Variants in LNPK observed in about 807,000 individuals in gnomAD.
LNPK encodes lunapark, ER junction formation factor, also known as endoplasmic reticulum junction formation protein lunapark.
A neutral mutation model predicts 55.2 loss-of-function variants in LNPK; 29 were observed. The ratio of observed to expected loss-of-function variants is 0.53; its 90% CI spans 0.39 to 0.72. The LOEUF is 0.72. Ranked by LOEUF, LNPK falls within the 30% of genes least tolerant of loss-of-function variation. The probability of loss-of-function intolerance (pLI) is 0.00; values close to 1 mark genes in which losing one functional copy is unlikely to be tolerated. For missense variants in LNPK, 467 were observed against 494.8 expected (o/e 0.94, Z 0.53); for synonymous variants, 162 against 168.2 (o/e 0.96, Z 0.29).
At chr2:175,998,603 G>A (rs1688048004) in intron 1 of LNPK, among the ~76,000 whole-genome samples, 3 of 152,228 alleles carry the variant, frequency 2.0e-5, no homozygotes, top group Admixed American at 2.0e-4. Flanking sequence ...ATATTTATAT[G>A]TAAAATATAT....
chr2:175,973,150 G>A (rs1382766136), intron 5 of LNPK, among the ~76,000 whole-genome samples: 1 of 152,124 alleles, frequency 6.6e-6, no homozygotes. Context: ...TCTTAGGTTG[G>A]ATTAATTAAG....
chr2:175,999,372 A>C (rs1287469605), intron 1 of LNPK, among the ~76,000 whole-genome samples: 1 of 152,200 alleles, frequency 6.6e-6, no homozygotes, highest in Non-Finnish European at 1.5e-5. Flanking sequence ...TCTGCTACTC[A>C]ATTTCCTCAT....
chr2:175,997,703 C>T (rs901912867), intron 1 of LNPK, among the ~76,000 whole-genome samples: 6 of 45,818 alleles, frequency 1.3e-4, no homozygotes, highest in African/African-American at 3.4e-4. Flanking sequence ...AAAACAAATG[C>T]TCTGTGTGTG....
chr2:176,001,111 C>A (rs1688144007), intron 1 of LNPK, among the ~76,000 whole-genome samples: 1 of 152,068 alleles, frequency 6.6e-6, no homozygotes, highest in Non-Finnish European at 1.5e-5. Context: ...AACAGACAAC[C>A]TTAAAATTCT....
intron 2 of LNPK, among the ~76,000 whole-genome samples, chr2:175,994,803 AT>A (rs1687857641): frequency 6.6e-6 from 1 of 152,114 alleles, no homozygotes; most frequent in African/African-American, 2.4e-5. Flanking sequence ...TGCATTTCTA[AT>A]TTTGTTTAAC....
At chr2:175,995,672 T>C (rs990232280) in intron 1 of LNPK, 26 bp from the exon 2 acceptor site, 4 of 1,175,786 alleles carry the variant, frequency 3.4e-6, no homozygotes, top group Non-Finnish European at 5.1e-6. Context: ...GTATTTAAAA[T>C]GTTAAGTTAA....
At chr2:175,932,624 T>C (rs574238283) in intron 12 of LNPK, among the ~76,000 whole-genome samples, 1 of 152,344 alleles carries the variant, frequency 6.6e-6, no homozygotes, top group Non-Finnish European at 1.5e-5. Context: ...TAGGTATTGA[T>C]GTTTGGATGC....
intron 5 of LNPK, among the ~76,000 whole-genome samples, chr2:175,978,846 G>GA (rs1687031290): frequency 6.6e-6 from 1 of 152,128 alleles, no homozygotes; most frequent in Non-Finnish European, 1.5e-5. Context: ...CAGATAAGTA[G>GA]GAAGAGAAGG....
intron 9 of LNPK, chr2:175,940,927 G>A (rs1684805945): frequency 2.2e-6 from 1 of 451,442 alleles, no homozygotes. Flanking sequence ...AAAAACTGGT[G>A]AACTTTAAGA....
intron 9 of LNPK, among the ~76,000 whole-genome samples, chr2:175,944,339 TG>T (rs1685014122): frequency 6.6e-6 from 1 of 152,058 alleles, no homozygotes; most frequent in Non-Finnish European, 1.5e-5. Context: ...AAGATACTAA[TG>T]GTGAGTTGGG....
chr2:175,933,963 T>C (rs1185600930), intron 12 of LNPK, among the ~76,000 whole-genome samples: 1 of 152,032 alleles, frequency 6.6e-6, no homozygotes, highest in Non-Finnish European at 1.5e-5. Context: ...GAACTGACCT[T>C]GTGATCCGCC....
At chr2:175,962,336 G>A (rs532206597) in intron 8 of LNPK, among the ~76,000 whole-genome samples, 7 of 152,196 alleles carry the variant, frequency 4.6e-5, no homozygotes, top group African/African-American at 1.7e-4. Flanking sequence ...AAACAGCATG[G>A]TACTCGTACC....
In LNPK at chr2:175,928,872, A is replaced by G; in HGVS notation, c.*1095T>C. The G allele has an allele frequency of 6.4e-6, 1 of 156,536 alleles. No individual in the cohort carries two copies. Among genetic ancestry groups the G allele is most frequent in the Non-Finnish European group, 1.4e-5 (1 of 71,700 alleles). The allele number at this position is 156,536 out of a possible 1,614,324, so 9.7% of individuals were successfully genotyped here. Reference sequence around the variant, plus strand: ...TCACAAAATTTGTTTCTCAAAGTTAAAAATTACAAATGGCTGGCCTACGAT... The same window carrying G: ...TCACAAAATTTGTTTCTCAAAGTTAGAAATTACAAATGGCTGGCCTACGAT... On this transcript the variant is annotated 3_prime_UTR_variant, in exon 13 of 13. Transcript: ENST00000272748.
chr2:175,966,005 T>C (rs1398901277), intron 6 of LNPK, among the ~76,000 whole-genome samples: 1 of 152,234 alleles, frequency 6.6e-6, no homozygotes, highest in African/African-American at 2.4e-5. Flanking sequence ...CTAAGCCCTA[T>C]GTGATAAATG....
At chr2:175,979,289 T>C (rs191815362) in intron 5 of LNPK, among the ~76,000 whole-genome samples, 15 of 152,308 alleles carry the variant, frequency 9.8e-5, no homozygotes, top group Middle Eastern at 3.4e-3. Context: ...TCGGGCACCA[T>C]TGCTCACGCC....
At chr2:175,988,550 T>G (rs146207609) in intron 4 of LNPK, among the ~76,000 whole-genome samples, 146 of 151,610 alleles carry the variant, frequency 9.6e-4, no homozygotes, top group African/African-American at 3.1e-3. Flanking sequence ...AAGATGAATT[T>G]ATATACAGGT....
chr2:175,927,610 T>C lies in LNPK; in HGVS notation c.*2357A>G, dbSNP rs1684069332. The C allele has an allele frequency of 6.6e-6, 1 of 152,184 alleles. No homozygotes were observed. Among genetic ancestry groups the C allele is most frequent in the African/African-American group, 2.4e-5 (1 of 41,432 alleles). 9.4% of individuals were successfully genotyped at this position (152,184 alleles called of 1,614,324 possible). A position where few individuals can be genotyped will look rare whatever the true frequency, so the allele number is the denominator to read the frequency against. Reference sequence around the variant, plus strand: ...AGAGACAGAAGCTAGACCATGTTTGTAGATCATGCTCAGGACATAGAAGAA... The same window carrying C: ...AGAGACAGAAGCTAGACCATGTTTGCAGATCATGCTCAGGACATAGAAGAA... On this transcript the variant is annotated 3_prime_UTR_variant, in exon 13 of 13. Coordinates refer to ENST00000272748, the MANE Select transcript of LNPK (RefSeq NM_030650.3).
At chr2:175,991,614 G>A (rs147066689) in intron 4 of LNPK, among the ~76,000 whole-genome samples, 155 of 152,220 alleles carry the variant, frequency 1.0e-3, no homozygotes, top group African/African-American at 3.3e-3. Flanking sequence ...TGCAGTCTAA[G>A]ATATACAGTC....
rs148772818 is a variant in LNPK at position 175,931,599 on chromosome 2, T to C, written c.1055-1400A>G. Among the ~76,000 whole-genome samples the C allele has an allele frequency of 5.6e-4, 85 of 152,338 alleles. 3 individuals carry two copies. The East Asian group carries it at 0.015, about 27-fold the overall frequency. On this transcript the variant is annotated intron_variant, in intron 12 of 12. Coordinates refer to ENST00000272748, the MANE Select transcript of LNPK (RefSeq NM_030650.3). ...ATAGTTTTACTATATGAAAACTTCCTATGCTCACAAAAAATAGTAAGGAAT... is the reference window on the plus strand; with the variant it reads ...ATAGTTTTACTATATGAAAACTTCCCATGCTCACAAAAAATAGTAAGGAAT...
Sources: gnomAD v4.1 joint callset for allele counts (sites outside exome capture counted in the v4.1 genomes callset) on GRCh38, gnomAD v4.1.1 for gene constraint, MANE v1.5 for transcripts, NCBI Gene and HGNC (gene_info 2026-07-23, HGNC 2026-07-21) for gene names.